Variants in THRB observed in about 807,000 individuals in gnomAD.
THRB encodes thyroid hormone receptor beta, also known as nuclear receptor subfamily 1 group A member 2.
THRB carries 12 observed loss-of-function variants against 47.8 expected under a neutral mutation model. The ratio of observed to expected loss-of-function variants is 0.25; its 90% CI spans 0.16 to 0.41. THRB has a LOEUF of 0.41. Among genes scored for constraint, THRB ranks in the 10% least tolerant of loss-of-function variants. The probability of loss-of-function intolerance (pLI) is 1.00; values close to 1 mark genes in which losing one functional copy is unlikely to be tolerated. For synonymous variants in THRB, 218 were observed against 212.2 expected (o/e 1.03, Z -0.24); for missense variants, 348 against 589.2 (o/e 0.59, Z 4.24).
chr3:24,471,961 G>A (rs748441234), intron 1 of THRB, among the ~76,000 whole-genome samples: 10 of 152,250 alleles, frequency 6.6e-5, no homozygotes, highest in Middle Eastern at 3.4e-3. Context: ...AATATGGCCT[G>A]GAAGCCAGGC....
At chr3:24,370,694 A>G (rs2064840528) in intron 1 of THRB, among the ~76,000 whole-genome samples, 1 of 152,094 alleles carries the variant, frequency 6.6e-6, no homozygotes, top group South Asian at 2.1e-4. Context: ...ACCAGGCACA[A>G]TGCCACACTT....
At chr3:24,229,996 C>T (rs2048092059) in intron 3 of THRB, among the ~76,000 whole-genome samples, 1 of 152,144 alleles carries the variant, frequency 6.6e-6, no homozygotes, top group Admixed American at 6.5e-5. Context: ...TTTCACAAGG[C>T]TGGTATTTCT....
chr3:24,248,517 A>T (rs1316012081), intron 3 of THRB, among the ~76,000 whole-genome samples: 1 of 152,194 alleles, frequency 6.6e-6, no homozygotes, highest in Non-Finnish European at 1.5e-5. Flanking sequence ...CCTCAGCTCC[A>T]GATCCACCCT....
chr3:24,402,245 C>A (rs150456106), intron 1 of THRB, among the ~76,000 whole-genome samples: 6 of 152,084 alleles, frequency 3.9e-5, no homozygotes, highest in Admixed American at 3.3e-4. Flanking sequence ...TACAAGACTC[C>A]TTATGGTTCA....
chr3:24,181,051 G>C (rs1226781708), intron 5 of THRB, among the ~76,000 whole-genome samples: 1 of 152,176 alleles, frequency 6.6e-6, no homozygotes, highest in East Asian at 1.9e-4. Context: ...AATGGGTTTG[G>C]ATAGCCTGAA....
At chr3:24,258,945 G>A (rs374487284) in intron 3 of THRB, among the ~76,000 whole-genome samples, 9 of 152,102 alleles carry the variant, frequency 5.9e-5, no homozygotes, top group African/African-American at 2.2e-4. Flanking sequence ...TCCAGAGATC[G>A]CTTGATTCAG....
intron 5 of THRB, among the ~76,000 whole-genome samples, chr3:24,155,507 G>T (rs1441263134): frequency 6.6e-6 from 1 of 152,070 alleles, no homozygotes; most frequent in Non-Finnish European, 1.5e-5. Flanking sequence ...CTTCCATCAG[G>T]GAATAATGTC....
At chr3:24,127,478 A>G in intron 10 of THRB, 21 bp downstream of exon 10, 2 of 1,613,982 alleles carry the variant, frequency 1.2e-6, no homozygotes, top group Non-Finnish European at 1.7e-6. Context: ...GATGCCCACT[A>G]ACGAGTCTAG....
chr3:24,358,423 C>CT (rs1429981134), intron 1 of THRB, among the ~76,000 whole-genome samples: 2 of 151,964 alleles, frequency 1.3e-5, no homozygotes, highest in Non-Finnish European at 2.9e-5. Context: ...ATGTTGGAGT[C>CT]TTTGATTCAT....
chr3:24,325,040 T>C (rs1406126920), intron 2 of THRB, among the ~76,000 whole-genome samples: 1 of 152,262 alleles, frequency 6.6e-6, no homozygotes, highest in Non-Finnish European at 1.5e-5. Context: ...CTCTTCAGAC[T>C]GTGTATTAAA....
At chr3:24,468,669 T>G (rs1005089032) in intron 1 of THRB, among the ~76,000 whole-genome samples, 3 of 152,208 alleles carry the variant, frequency 2.0e-5, no homozygotes, top group African/African-American at 7.2e-5. Flanking sequence ...GGCCATCTTG[T>G]ATGGGTGTCG....
intron 3 of THRB, among the ~76,000 whole-genome samples, chr3:24,244,801 T>G (rs2049939493): frequency 1.3e-5 from 2 of 152,286 alleles, no homozygotes; most frequent in Admixed American, 6.5e-5. Context: ...GATGTTATGG[T>G]AATCTAATAA....
At chr3:24,395,684 A>G (rs181521307) in intron 1 of THRB, among the ~76,000 whole-genome samples, 411 of 152,252 alleles carry the variant, frequency 2.7e-3, no homozygotes, top group Non-Finnish European at 5.0e-3. Context: ...TGGCGCAACC[A>G]CTTTGGAAAA....
intron 3 of THRB, among the ~76,000 whole-genome samples, chr3:24,287,749 C>G (rs2055471341): frequency 6.6e-6 from 1 of 152,154 alleles, no homozygotes; most frequent in Non-Finnish European, 1.5e-5. Context: ...AAGGCAGAAC[C>G]TGATGTTGCA....
intron 5 of THRB, among the ~76,000 whole-genome samples, chr3:24,153,256 C>A (rs1057184696): frequency 3.3e-5 from 5 of 152,142 alleles, no homozygotes; most frequent in African/African-American, 1.2e-4. Flanking sequence ...GGTGAAGAAA[C>A]AGGCCTGCAG....
intron 9 of THRB, among the ~76,000 whole-genome samples, chr3:24,127,986 T>C (rs900886081): frequency 6.6e-6 from 1 of 152,202 alleles, no homozygotes. Flanking sequence ...GGAGTTTGCA[T>C]TGCTTTTATG....
At chr3:24,193,308 T>C (rs2043569711) in intron 4 of THRB, among the ~76,000 whole-genome samples, 1 of 152,198 alleles carries the variant, frequency 6.6e-6, no homozygotes, top group African/African-American at 2.4e-5. Flanking sequence ...TGAGGCACTA[T>C]TAAACAACAC....
rs368706253 is a variant in THRB, at chr3:24,294,679, CA to C, written c.-43+2546del. Among the ~76,000 whole-genome samples, 19 of 152,278 alleles carry C rather than the reference CA, an allele frequency of 1.2e-4. No homozygotes were observed. The East Asian group carries it at 3.5e-3, about 28-fold the overall frequency. ...CAACACGGAGACAATAGTAGGGCAACAAGATGGAGGGCACCTTGATGACCTG... is the reference window on the plus strand; with the variant it reads ...CAACACGGAGACAATAGTAGGGCAACAGATGGAGGGCACCTTGATGACCTG... On this transcript the variant is annotated intron_variant, in intron 3 of 10. Coordinates refer to ENST00000646209, the MANE Select transcript of THRB (RefSeq NM_001354712.2).
intron 1 of THRB, among the ~76,000 whole-genome samples, chr3:24,435,810 T>G (rs549883845): frequency 6.6e-6 from 1 of 152,316 alleles, no homozygotes; most frequent in East Asian, 1.9e-4. Flanking sequence ...CACATGCAGA[T>G]GCAACGTTGG....
Sources: gnomAD v4.1 joint callset for allele counts (sites outside exome capture counted in the v4.1 genomes callset) on GRCh38, gnomAD v4.1.1 for gene constraint, MANE v1.5 for transcripts, NCBI Gene and HGNC (gene_info 2026-07-23, HGNC 2026-07-21) for gene names.